NCALD: variants seen among roughly 807,000 people sequenced by gnomAD.
The protein encoded by NCALD is neurocalcin-delta.
NCALD carries 10 observed loss-of-function variants against 18.6 expected under a neutral mutation model. The observed-to-expected ratio is 0.54, with a 90% CI of 0.33 to 0.91. The LOEUF is 0.91. NCALD is among the 40% of genes least tolerant of loss of function. NCALD has a pLI of 0.03. For missense variants in NCALD, 184 were observed against 247.6 expected (o/e 0.74, Z 1.72); for synonymous variants, 88 against 87.4 (o/e 1.01, Z -0.04).
At chr8:101,762,611 G>C (rs1228930547) in intron 1 of NCALD, among the ~76,000 whole-genome samples, 2 of 128,162 alleles carry the variant, frequency 1.6e-5, no homozygotes, top group Non-Finnish European at 3.3e-5. Flanking sequence ...TTTTTTTTCT[G>C]TCACCCAGGC....
At chr8:101,911,186 C>T (rs546063463) in intron 3 of NCALD, among the ~76,000 whole-genome samples, 1 of 151,474 alleles carries the variant, frequency 6.6e-6, no homozygotes, top group African/African-American at 2.4e-5. Flanking sequence ...CTTTGTACCC[C>T]TTGGCATAAG....
intron 1 of NCALD, among the ~76,000 whole-genome samples, chr8:101,725,423 G>C (rs560704330): frequency 4.6e-5 from 7 of 152,190 alleles, no homozygotes; most frequent in Middle Eastern, 3.2e-3. Context: ...CTTCTGGTGA[G>C]AGCTGCTTCT....
At chr8:102,023,347 GT>G (rs5893594) in intron 1 of NCALD, among the ~76,000 whole-genome samples, 119,488 of 152,164 alleles carry the variant, frequency 0.79, 47,522 homozygotes, top group African/African-American at 0.89. Context: ...ATCACACTGG[GT>G]TTAGAACGAA....
chr8:101,912,917 G>A (rs1037432219), intron 3 of NCALD, among the ~76,000 whole-genome samples: 6 of 152,250 alleles, frequency 3.9e-5, no homozygotes, highest in African/African-American at 1.2e-4. Flanking sequence ...AAGCTGCCAT[G>A]TTGTGACAAG....
At chr8:101,795,581 T>C (rs1033906987), upstream of NCALD, among the ~76,000 whole-genome samples, 1 of 152,200 alleles carries the variant, frequency 6.6e-6, no homozygotes, top group Non-Finnish European at 1.5e-5. Context: ...ACTACCCTTA[T>C]GATCTAACAA....
intron 4 of NCALD, among the ~76,000 whole-genome samples, chr8:101,867,909 G>A (rs1815839100): frequency 6.6e-6 from 1 of 152,182 alleles, no homozygotes; most frequent in Non-Finnish European, 1.5e-5. Flanking sequence ...ATTTGAACCA[G>A]GGGTCAGTTG....
chr8:101,954,139 C>T (rs529393480), intron 2 of NCALD, among the ~76,000 whole-genome samples: 60 of 152,128 alleles, frequency 3.9e-4, no homozygotes, highest in Non-Finnish European at 7.2e-4. Context: ...GGGTATGGGC[C>T]GTCCTATGGC....
At chr8:101,849,173 T>C (rs527891760) in intron 4 of NCALD, among the ~76,000 whole-genome samples, 17 of 152,076 alleles carry the variant, frequency 1.1e-4, no homozygotes, top group African/African-American at 3.6e-4. Flanking sequence ...CATGGACACA[T>C]TGTGGGGGGA....
intron 4 of NCALD, among the ~76,000 whole-genome samples, chr8:101,833,610 GTTT>G (rs555031298): frequency 0.039 from 3,445 of 88,508 alleles, 63 homozygotes; most frequent in African/African-American, 0.099. Context: ...TTTGTTTCTT[GTTT>G]TTTTTTTTTT....
At chr8:101,862,831 G>C (rs562662673) in intron 4 of NCALD, among the ~76,000 whole-genome samples, 2 of 152,296 alleles carry the variant, frequency 1.3e-5, no homozygotes, top group African/African-American at 4.8e-5. Context: ...TTCTCTGACA[G>C]CTCACTCCCT....
At chr8:101,959,639 G>A (rs1243725252) in intron 2 of NCALD, among the ~76,000 whole-genome samples, 2 of 152,120 alleles carry the variant, frequency 1.3e-5, no homozygotes, top group Non-Finnish European at 2.9e-5. Context: ...CCATCCAGCA[G>A]GCTACTAGGT....
At chr8:101,759,894 C>A (rs542192934) in intron 1 of NCALD, among the ~76,000 whole-genome samples, 1 of 152,174 alleles carries the variant, frequency 6.6e-6, no homozygotes, top group East Asian at 1.9e-4. Flanking sequence ...CTGGGCTGAT[C>A]CCTGATTAAA....
intron 4 of NCALD, among the ~76,000 whole-genome samples, chr8:101,858,248 C>G (rs567893475): frequency 6.6e-6 from 1 of 152,108 alleles, no homozygotes; most frequent in South Asian, 2.1e-4. Context: ...CAGTTTCACA[C>G]GTCATTGGAT....
chr8:101,829,788 C>T (rs1317074294), intron 4 of NCALD, among the ~76,000 whole-genome samples: 2 of 152,154 alleles, frequency 1.3e-5, no homozygotes, highest in African/African-American at 4.8e-5. Flanking sequence ...AGCAAACATC[C>T]TACACAGCAT....
chr8:102,019,083 C>G (rs558873011), intron 2 of NCALD, among the ~76,000 whole-genome samples: 1 of 151,876 alleles, frequency 6.6e-6, no homozygotes, highest in Admixed American at 6.6e-5. Flanking sequence ...TTAAAACAAC[C>G]CAATTTTTTC....
At chr8:101,959,152 C>T (rs1819744964) in intron 2 of NCALD, among the ~76,000 whole-genome samples, 1 of 152,124 alleles carries the variant, frequency 6.6e-6, no homozygotes, top group Admixed American at 6.6e-5. Context: ...TATTTATCTT[C>T]CTTCAATCTG....
At chr8:101,863,117 C>T (rs537873602) in intron 4 of NCALD, among the ~76,000 whole-genome samples, 13 of 152,290 alleles carry the variant, frequency 8.5e-5, no homozygotes, top group African/African-American at 3.1e-4. Flanking sequence ...ACACCGTGTG[C>T]TCACCTCCTC....
chr8:101,882,978 T>C (rs758623332), intron 4 of NCALD, among the ~76,000 whole-genome samples: 41 of 152,356 alleles, frequency 2.7e-4, no homozygotes, highest in African/African-American at 9.4e-4. Flanking sequence ...TCCTTAAATA[T>C]GTACATTGAT....
chr8:101,714,627 AT>A (rs1302286320), intron 2 of NCALD, among the ~76,000 whole-genome samples: 1 of 152,246 alleles, frequency 6.6e-6, no homozygotes, highest in Non-Finnish European at 1.5e-5. Flanking sequence ...TCTTCACAGA[AT>A]TAGAAAAAAG....
Sources: allele counts gnomAD v4.1 joint callset (sites outside exome capture counted in the v4.1 genomes callset), GRCh38; gene constraint gnomAD v4.1.1; transcripts MANE v1.5; gene names NCBI Gene and HGNC (gene_info 2026-07-23, HGNC 2026-07-21).